The following RREB1 variants were observed in gnomAD, a reference collection of about 807,000 sequenced individuals.
RREB1 encodes the protein ras-responsive element-binding protein 1.
Under a neutral mutation model 117.8 loss-of-function variants are expected in RREB1, and 27 were observed. The ratio of observed to expected loss-of-function variants is 0.23; its 90% CI spans 0.17 to 0.32. RREB1 has a LOEUF of 0.32. Among genes scored for constraint, RREB1 ranks in the 10% least tolerant of loss-of-function variants. RREB1 has a pLI of 1.00. For missense variants in RREB1, 2,577 were observed against 2,378.2 expected, an observed-to-expected ratio of 1.08 and a Z score of -1.74; for synonymous variants, 1,298 against 1,026.7, an observed-to-expected ratio of 1.26 and a Z score of -5.05.
intron 1 of RREB1, among the ~76,000 whole-genome samples, chr6:7,157,806 C>G (rs1002027183): frequency 6.6e-6 from 1 of 152,088 alleles, no homozygotes; most frequent in African/African-American, 2.4e-5. Context: ...CTTGTGCTCC[C>G]TCTCCACTGT....
chr6:7,233,864 G>A (rs181799192), intron 10 of RREB1, among the ~76,000 whole-genome samples: 1 of 152,302 alleles, frequency 6.6e-6, no homozygotes, highest in Non-Finnish European at 1.5e-5. Context: ...TGAACAGTGT[G>A]CAGAATGGAG....
In RREB1 at chr6:7,250,688, C is replaced by G. The variant is rs1769370681; in HGVS notation, c.*1720C>G. On this transcript the variant is annotated 3_prime_UTR_variant, in exon 13 of 13. Coordinates refer to ENST00000379938, the MANE Select transcript of RREB1 (RefSeq NM_001003699.4). Reference sequence around the variant, plus strand: ...CCTCCTTTACATAGACTTGTTCACACAGAAACGTGCACGCCCCCTTTTCTC... The same window carrying G: ...CCTCCTTTACATAGACTTGTTCACAGAGAAACGTGCACGCCCCCTTTTCTC... 1 of 152,160 alleles carries G rather than the reference C, an allele frequency of 6.6e-6. No homozygotes were observed. The highest frequency in any genetic ancestry group is 1.5e-5 in the Non-Finnish European group (1 of 68,040). The allele number at this position is 152,160 out of a possible 1,614,324, so 9.4% of individuals were successfully genotyped here.
At chr6:7,204,098 GATTTT>G (rs1373370888) in intron 6 of RREB1, among the ~76,000 whole-genome samples, 1 of 152,220 alleles carries the variant, frequency 6.6e-6, no homozygotes, top group African/African-American at 2.4e-5. Flanking sequence ...GCTGACTTTA[GATTTT>G]TCTAAGGGCT....
intron 8 of RREB1, among the ~76,000 whole-genome samples, chr6:7,219,992 G>A (rs1418070637): frequency 1.4e-4 from 22 of 152,146 alleles, no homozygotes; most frequent in Non-Finnish European, 1.5e-5. Flanking sequence ...TGCTGTTCCA[G>A]GGAGCCCCAA....
intron 2 of RREB1, among the ~76,000 whole-genome samples, chr6:7,177,384 C>T (rs193239785): frequency 6.6e-6 from 1 of 151,622 alleles, no homozygotes; most frequent in East Asian, 1.9e-4. Context: ...TTTTCTCTCC[C>T]TCCCTCCCCT....
intron 4 of RREB1, among the ~76,000 whole-genome samples, chr6:7,186,354 G>T (rs994139485): frequency 6.6e-6 from 1 of 152,182 alleles, no homozygotes; most frequent in African/African-American, 2.4e-5. Flanking sequence ...TGGGGAGCTT[G>T]TGAGACAAAC....
chr6:7,173,854 CCTTAT>C (rs1450601313), intron 1 of RREB1, among the ~76,000 whole-genome samples: 1 of 152,002 alleles, frequency 6.6e-6, no homozygotes, highest in Non-Finnish European at 1.5e-5. Context: ...GGGATGCAGC[CCTTAT>C]CTTTCATCTC....
rs181431721 is a variant in RREB1, at chr6:7,158,442, C to G, written c.-284-18213C>G. Among the ~76,000 whole-genome samples, 208 of 152,274 alleles carry G rather than the reference C, an allele frequency of 1.4e-3. 2 individuals are homozygous for G. Among genetic ancestry groups the G allele is most frequent in the African/African-American group, 4.5e-3 (189 of 41,540 alleles). On this transcript the variant is annotated intron_variant, in intron 1 of 12. Coordinates refer to ENST00000379938, the MANE Select transcript of RREB1 (RefSeq NM_001003699.4). Reference sequence around the variant, plus strand: ...CCCAGACCCAACCCCAACTCTCCCACCTCCTGTAATTTGCCCACTCCACAC... The same window carrying G: ...CCCAGACCCAACCCCAACTCTCCCAGCTCCTGTAATTTGCCCACTCCACAC...
intron 3 of RREB1, chr6:7,181,612 C>T: frequency 1.7e-6 from 1 of 575,194 alleles, no homozygotes; most frequent in East Asian, 2.9e-5. Flanking sequence ...GTAGAGAAAC[C>T]TGCCTCTCAT....
intron 6 of RREB1, among the ~76,000 whole-genome samples, chr6:7,192,730 T>A (rs1192109010): frequency 6.6e-6 from 1 of 152,226 alleles, no homozygotes; most frequent in Non-Finnish European, 1.5e-5. Flanking sequence ...TATTGATCTT[T>A]TCAAATAACC....
chr6:7,125,003 G>A (rs542607909), intron 1 of RREB1, among the ~76,000 whole-genome samples: 1 of 152,324 alleles, frequency 6.6e-6, no homozygotes, highest in Non-Finnish European at 1.5e-5. Context: ...TTCCTTGTGA[G>A]GCACATCGAG....
chr6:7,223,324 G>A (rs893505029), intron 8 of RREB1, among the ~76,000 whole-genome samples: 1 of 150,612 alleles, frequency 6.6e-6, no homozygotes, highest in African/African-American at 2.5e-5. Flanking sequence ...CAGTTTGGGA[G>A]GCCGAGGCGG....
At chr6:7,203,113 T>C (rs1203545583) in intron 6 of RREB1, among the ~76,000 whole-genome samples, 2 of 152,072 alleles carry the variant, frequency 1.3e-5, no homozygotes, top group African/African-American at 4.8e-5. Flanking sequence ...AGTAAAAGAT[T>C]TTTAAAAGGT....
intron 8 of RREB1, chr6:7,213,105 T>C (rs916071056): frequency 1.3e-5 from 2 of 152,160 alleles, no homozygotes; most frequent in Non-Finnish European, 2.9e-5. Flanking sequence ...ATCCTTCAAA[T>C]TGAAGGAGGG....
At chr6:7,167,947 T>A (rs528751202) in intron 1 of RREB1, among the ~76,000 whole-genome samples, 23 of 152,162 alleles carry the variant, frequency 1.5e-4, no homozygotes, top group African/African-American at 5.5e-4. Flanking sequence ...CAAGCTGGAT[T>A]TCCAGGCCAA....
In RREB1 at chr6:7,187,439, G is replaced by A. The variant is rs752919410; in HGVS notation, c.177G>A (p.Thr59=). ...CTTTTAATCTTTCTTTTTAGGAAAC[G>A]AAAGAGGAGAAGTCTTCCTATAACT... is the stretch of plus-strand genomic sequence containing the variant. The part of the protein sequence containing the change: ...PNRIGRRNQE[T]KEEKSSYNCP... Residue 59 remains threonine, a synonymous_variant, in exon 5 of 13, where the codon ACG becomes ACA. Coordinates refer to ENST00000379938, the MANE Select transcript of RREB1 (RefSeq NM_001003699.4). 1.5e-5 allele frequency: 24 copies of A among 1,596,602 alleles called. No homozygotes were observed. Among genetic ancestry groups the A allele is most frequent in the South Asian group, 2.2e-5 (2 of 89,644 alleles).
At chr6:7,117,378 T>C (rs999131005) in intron 1 of RREB1, among the ~76,000 whole-genome samples, 8 of 143,256 alleles carry the variant, frequency 5.6e-5, no homozygotes, top group Non-Finnish European at 1.2e-4. Context: ...ACCATGTGAA[T>C]AGGTTTCCTG....
intron 10 of RREB1, 61 bp from the exon 11 acceptor site, chr6:7,240,377 G>C: frequency 7.0e-7 from 1 of 1,433,808 alleles, no homozygotes; most frequent in Non-Finnish European, 9.6e-7. Flanking sequence ...AAACAAAAGC[G>C]ACTTTTCTAT....
chr6:7,172,695 G>T (rs1430538928), intron 1 of RREB1, among the ~76,000 whole-genome samples: 1 of 146,392 alleles, frequency 6.8e-6, no homozygotes, highest in Admixed American at 6.7e-5. Flanking sequence ...CCGGTGTGGG[G>T]GGGTGGGGGT....
Sources: allele counts gnomAD v4.1 joint callset (sites outside exome capture counted in the v4.1 genomes callset), GRCh38; gene constraint gnomAD v4.1.1; transcripts MANE v1.5; gene names NCBI Gene and HGNC (gene_info 2026-07-23, HGNC 2026-07-21).